The following ATL1 variants were observed in gnomAD, a reference collection of about 807,000 sequenced individuals.
ATL1 encodes the protein atlastin-1.
ATL1 carries 31 observed loss-of-function variants against 75.5 expected under a neutral mutation model. The ratio of observed to expected loss-of-function variants is 0.41; its 90% CI spans 0.31 to 0.55. ATL1 has a LOEUF of 0.55. Ranked by LOEUF, ATL1 falls within the 20% of genes least tolerant of loss-of-function variation. The probability of loss-of-function intolerance (pLI) is 0.27; values close to 1 mark genes in which losing one functional copy is unlikely to be tolerated. For synonymous variants in ATL1, 226 were observed against 233.3 expected (o/e 0.97, Z 0.28); for missense variants, 405 against 662.6 (o/e 0.61, Z 4.27).
At chr14:50,562,237 A>T (rs1222627618) in intron 1 of ATL1, among the ~76,000 whole-genome samples, 1 of 151,908 alleles carries the variant, frequency 6.6e-6, no homozygotes, top group Non-Finnish European at 1.5e-5. Context: ...GTAGAGACAG[A>T]GTTTCACCAT....
chr14:50,564,253 T>C (rs2038879401), intron 1 of ATL1, among the ~76,000 whole-genome samples: 1 of 152,240 alleles, frequency 6.6e-6, no homozygotes, highest in Non-Finnish European at 1.5e-5. Flanking sequence ...CTTTGTTTGT[T>C]TGTTTTTGTC....
rs1274639749 is a variant in ATL1 at position 50,632,003 on chromosome 14, T to G, written c.1567-226T>G. The G allele has an allele frequency of 8.4e-6, 3 of 358,114 alleles. No individual in the cohort carries two copies. In the East Asian group the frequency reaches 1.6e-4, roughly 19 times the overall value. The allele number at this position is 358,114 out of a possible 1,614,324, so 22.2% of individuals were successfully genotyped here. A position where few individuals can be genotyped will look rare whatever the true frequency, so the allele number is the denominator to read the frequency against. On this transcript the variant is annotated intron_variant, in intron 13 of 13. Transcript: ENST00000358385. ...TATGCAAGGTAAAAGGAAACACAGTTTGAGAATAAAACATTCACCACACAG... is the reference window on the plus strand; with the variant it reads ...TATGCAAGGTAAAAGGAAACACAGTGTGAGAATAAAACATTCACCACACAG...
intron 11 of ATL1, among the ~76,000 whole-genome samples, chr14:50,625,893 A>G (rs1212505385): frequency 7.4e-6 from 1 of 135,204 alleles, no homozygotes; most frequent in Non-Finnish European, 1.6e-5. Flanking sequence ...ACAGAGTGAG[A>G]CCCGTCTCAA....
At chr14:50,562,898 A>G (rs2038864916) in intron 1 of ATL1, among the ~76,000 whole-genome samples, 3 of 152,200 alleles carry the variant, frequency 2.0e-5, no homozygotes, top group African/African-American at 7.2e-5. Context: ...ACCAGTATCT[A>G]ATAGAATGCC....
intron 1 of ATL1, among the ~76,000 whole-genome samples, chr14:50,569,867 T>C (rs2038938937): frequency 2.0e-5 from 3 of 152,230 alleles, no homozygotes; most frequent in Non-Finnish European, 4.4e-5. Context: ...AGACTATGTC[T>C]GCCCACTGCT....
At chr14:50,592,866 T>C (rs1439493742) in intron 4 of ATL1, among the ~76,000 whole-genome samples, 1 of 146,988 alleles carries the variant, frequency 6.8e-6, no homozygotes, top group African/African-American at 2.5e-5. Context: ...TGAGCCGAGA[T>C]TGCGCCACTG....
rs71118894 is a variant in ATL1 at position 50,574,937 on chromosome 14, G to GTATATATATA, written c.35-12864_35-12855dup. On this transcript the variant is annotated intron_variant, in intron 1 of 13. Transcript: ENST00000358385. ...TGTGTGTGTGTGTGTGTGTGTGTGT[G>GTATATATATA]TATATATATATATATATATATATAT... 8.9e-3 allele frequency among the ~76,000 whole-genome samples: 206 copies of GTATATATATA among 23,136 alleles called. 1 individual carries two copies. Among genetic ancestry groups the GTATATATATA allele is most frequent in the Non-Finnish European group, 0.013 (167 of 12,852 alleles). 15.2% of individuals were successfully genotyped at this position (23,136 alleles called of 152,430 possible). A position where few individuals can be genotyped will look rare whatever the true frequency, so the allele number is the denominator to read the frequency against.
At chr14:50,613,950 C>T (rs2039390978) in intron 7 of ATL1, among the ~76,000 whole-genome samples, 1 of 152,142 alleles carries the variant, frequency 6.6e-6, no homozygotes, top group Non-Finnish European at 1.5e-5. Flanking sequence ...AGATTCCATT[C>T]TAGAATTTAA....
At chr14:50,627,376 G>T (rs1293206857) in intron 11 of ATL1, among the ~76,000 whole-genome samples, 1 of 152,204 alleles carries the variant, frequency 6.6e-6, no homozygotes, top group Non-Finnish European at 1.5e-5. Flanking sequence ...TATTGCAGTG[G>T]TCTGGAACCA....
intron 2 of ATL1, among the ~76,000 whole-genome samples, chr14:50,590,344 C>T (rs1043564761): frequency 6.6e-6 from 1 of 152,170 alleles, no homozygotes; most frequent in African/African-American, 2.4e-5. Flanking sequence ...ATCTGACTCC[C>T]TTAAGGACCT....
chr14:50,539,635 A>T (rs1285459878), intron 1 of ATL1, among the ~76,000 whole-genome samples: 3 of 152,264 alleles, frequency 2.0e-5, no homozygotes, highest in African/African-American at 7.2e-5. Flanking sequence ...AATGAGGCTT[A>T]GAACTTTAAA....
intron 2 of ATL1, 60 bp downstream of exon 2, chr14:50,588,138 T>C (rs1239668551): frequency 2.5e-6 from 4 of 1,604,554 alleles, no homozygotes; most frequent in Non-Finnish European, 3.4e-6. Flanking sequence ...CTTCATGTTT[T>C]TATTTCATGG....
intron 1 of ATL1, among the ~76,000 whole-genome samples, chr14:50,537,100 G>C (rs920315746): frequency 6.6e-6 from 1 of 152,222 alleles, no homozygotes; most frequent in Admixed American, 6.5e-5. Flanking sequence ...AGACCTAGGA[G>C]GAAAAAGTGG....
rs562829298 is a variant in ATL1 at position 50,619,305 on chromosome 14, C to T, written c.863-1294C>T. 8.5e-5 allele frequency among the ~76,000 whole-genome samples: 13 copies of T among 152,094 alleles called. No individual in the cohort carries two copies. In the East Asian group the frequency reaches 1.9e-3, roughly 23 times the overall value. On this transcript the variant is annotated intron_variant, in intron 8 of 13. Transcript: ENST00000358385. ...CGATCTCCTGACCTCATGATCCACC[C>T]GCCTCAGCCTCCCAAAGTGCTGGGA...
rs1288425267 is a variant in ATL1, at chr14:50,613,454, C to A, written c.723+103C>A. On this transcript the variant is annotated intron_variant, in intron 7 of 13. Coordinates refer to ENST00000358385, the MANE Select transcript of ATL1 (RefSeq NM_015915.5). The stretch of plus-strand genomic sequence containing the variant: ...ACTCAGTAGCCACTAGCCGCAATCT[C>A]ATTTGTTATCGATATTAATGACACA... 8 of 824,348 alleles carry A rather than the reference C, an allele frequency of 9.7e-6. No individual in the cohort carries two copies. In the East Asian group the frequency reaches 1.6e-4, roughly 16 times the overall value. 51.1% of individuals were successfully genotyped at this position (824,348 alleles called of 1,614,324 possible).
intron 4 of ATL1, among the ~76,000 whole-genome samples, chr14:50,592,727 CGG>C (rs2039171209): frequency 6.6e-6 from 1 of 151,144 alleles, no homozygotes; most frequent in Non-Finnish European, 1.5e-5. Flanking sequence ...CTGGCTAACA[CGG>C]TGAAACCCCG....
At chr14:50,569,191 C>CAA (rs796648070) in intron 1 of ATL1, among the ~76,000 whole-genome samples, 11 of 142,692 alleles carry the variant, frequency 7.7e-5, no homozygotes, top group African/African-American at 2.3e-4. Context: ...CCTTTCTCCA[C>CAA]AAAAAAAAAA....
intron 1 of ATL1, among the ~76,000 whole-genome samples, chr14:50,567,478 C>A (rs774092211): frequency 2.0e-4 from 31 of 151,884 alleles, no homozygotes; most frequent in Non-Finnish European, 4.0e-4. Context: ...GGGTATATAC[C>A]CAGAAGTGGA....
At chr14:50,619,065 T>A (rs570662773) in intron 8 of ATL1, among the ~76,000 whole-genome samples, 1 of 151,996 alleles carries the variant, frequency 6.6e-6, no homozygotes, top group East Asian at 1.9e-4. Context: ...TAATTTTTTT[T>A]ATTTTGAGAC....
Sources: allele counts gnomAD v4.1 joint callset (sites outside exome capture counted in the v4.1 genomes callset), GRCh38; gene constraint gnomAD v4.1.1; transcripts MANE v1.5; gene names NCBI Gene and HGNC (gene_info 2026-07-23, HGNC 2026-07-21).